XPR1: variants seen among roughly 807,000 people sequenced by gnomAD.
XPR1 encodes solute carrier family 53 member 1.
A neutral mutation model predicts 87.5 loss-of-function variants in XPR1; 28 were observed. The ratio of observed to expected loss-of-function variants is 0.32; its 90% confidence interval spans 0.24 to 0.44. XPR1 has a LOEUF of 0.44. XPR1 is among the 20% of genes least tolerant of loss of function. XPR1 has a pLI of 1.00. For synonymous variants in XPR1, 300 were observed against 306.1 expected (o/e 0.98, Z 0.21); for missense variants, 559 against 862.3 (o/e 0.65, Z 4.41).
At chr1:180,665,975 T>G (rs973607080) in intron 1 of XPR1, among the ~76,000 whole-genome samples, 12 of 152,206 alleles carry the variant, frequency 7.9e-5, no homozygotes, top group African/African-American at 2.9e-4. Context: ...TTTGAGTTAA[T>G]TTTTGTGTGT....
chr1:180,743,832 T>G (rs777860150), intron 2 of XPR1, among the ~76,000 whole-genome samples: 1 of 152,202 alleles, frequency 6.6e-6, no homozygotes, highest in African/African-American at 2.4e-5. Flanking sequence ...GTCTGGACAT[T>G]TTGATGAAAA....
chr1:180,672,228 A>G (rs1042765547), intron 1 of XPR1, among the ~76,000 whole-genome samples: 2 of 152,198 alleles, frequency 1.3e-5, no homozygotes, highest in Non-Finnish European at 2.9e-5. Flanking sequence ...AATCAGTACA[A>G]TAAAACTTTA....
At chr1:180,707,004 A>G (rs1469375592) in intron 2 of XPR1, among the ~76,000 whole-genome samples, 1 of 152,194 alleles carries the variant, frequency 6.6e-6, no homozygotes, top group Non-Finnish European at 1.5e-5. Context: ...TTTTCTAGCT[A>G]ATTTTTCAGT....
chr1:180,744,586 T>G (rs761242688), intron 2 of XPR1, among the ~76,000 whole-genome samples: 2 of 151,904 alleles, frequency 1.3e-5, no homozygotes, highest in Non-Finnish European at 2.9e-5. Flanking sequence ...TGTTAGAAGA[T>G]TCAAGGTCTT....
chr1:180,780,767 C>CAAAAAAAAAAAAAAAA (rs756960289), intron 2 of XPR1, among the ~76,000 whole-genome samples: 65 of 105,992 alleles, frequency 6.1e-4, no homozygotes, highest in African/African-American at 2.4e-3. Context: ...GACTCTGTCT[C>CAAAAAAAAAAAAAAAA]AAAAAAAAAA....
rs576745493 is a variant in XPR1 at position 180,879,961 on chromosome 1, C to A, written c.1809-115C>A. 27 of 1,098,916 alleles carry A rather than the reference C, an allele frequency of 2.5e-5. No individual in the cohort carries two copies. The South Asian group carries it at 3.1e-4, about 13-fold the overall frequency. 68.1% of individuals were successfully genotyped at this position (1,098,916 alleles called of 1,614,324 possible). ...TCTTTCCCTATTTTAATATTCAAGC[C>A]CTTAATTCTTTGTTTTTGTTTCCAT... On this transcript the variant is annotated intron_variant, in intron 13 of 14. Coordinates refer to ENST00000367590, the MANE Select transcript of XPR1 (RefSeq NM_004736.4).
At chr1:180,830,976 G>A (rs1651034656) in intron 9 of XPR1, among the ~76,000 whole-genome samples, 1 of 152,024 alleles carries the variant, frequency 6.6e-6, no homozygotes, top group African/African-American at 2.4e-5. Context: ...ATAAAGCCTT[G>A]AGGAAAATAC....
At position 180,875,739 on chromosome 1, in the gene XPR1, A is replaced by G. The variant is rs113296013; in HGVS notation, c.1808+1797A>G. ...ACGTAAATTAATGGAACAGAAAACAAACACACAATACAGAAAATTATTAAT... is the reference window on the plus strand; with the variant it reads ...ACGTAAATTAATGGAACAGAAAACAGACACACAATACAGAAAATTATTAAT... On this transcript the variant is annotated intron_variant, in intron 13 of 14. Coordinates refer to ENST00000367590, the MANE Select transcript of XPR1 (RefSeq NM_004736.4). Among the ~76,000 whole-genome samples, 1,213 of 152,230 alleles carry G rather than the reference A, an allele frequency of 8.0e-3. 11 individuals are homozygous for G. Among genetic ancestry groups the G allele is most frequent in the Non-Finnish European group, 0.011 (722 of 68,008 alleles).
intron 13 of XPR1, among the ~76,000 whole-genome samples, chr1:180,879,792 T>A (rs1315989596): frequency 6.6e-6 from 1 of 152,214 alleles, no homozygotes; most frequent in Non-Finnish European, 1.5e-5. Context: ...GTGCCTTTAC[T>A]GCCTTATGGC....
chr1:180,864,492 G>A (rs1315033252), intron 12 of XPR1, among the ~76,000 whole-genome samples: 1 of 152,038 alleles, frequency 6.6e-6, no homozygotes, highest in Non-Finnish European at 1.5e-5. Flanking sequence ...ATAAATACTT[G>A]ACTAAATGAA....
At chr1:180,821,979 C>A (rs1159676473) in intron 7 of XPR1, among the ~76,000 whole-genome samples, 1 of 152,136 alleles carries the variant, frequency 6.6e-6, no homozygotes, top group Non-Finnish European at 1.5e-5. Context: ...TGTAATGCAT[C>A]TGTGGTCTTT....
intron 2 of XPR1, among the ~76,000 whole-genome samples, chr1:180,716,340 C>T (rs1657994998): frequency 6.6e-6 from 1 of 152,130 alleles, no homozygotes; most frequent in Admixed American, 6.5e-5. Flanking sequence ...CCTCCTGCCT[C>T]AGCCTTGCAG....
At chr1:180,724,816 TATC>T (rs543020259) in intron 2 of XPR1, among the ~76,000 whole-genome samples, 49 of 152,348 alleles carry the variant, frequency 3.2e-4, no homozygotes, top group African/African-American at 1.1e-3. Context: ...TTTCCTCAGT[TATC>T]AATTTAATAT....
intron 2 of XPR1, among the ~76,000 whole-genome samples, chr1:180,759,568 G>T (rs1249117776): frequency 6.6e-6 from 1 of 152,138 alleles, no homozygotes. Context: ...AAACCAGGAA[G>T]AAGTTGAATC....
intron 2 of XPR1, among the ~76,000 whole-genome samples, chr1:180,763,329 G>T (rs1648126136): frequency 6.6e-6 from 1 of 152,126 alleles, no homozygotes. Flanking sequence ...TGCATACTTG[G>T]CATAATCTCT....
intron 1 of XPR1, among the ~76,000 whole-genome samples, chr1:180,682,008 G>A (rs1265273296): frequency 6.6e-6 from 1 of 152,124 alleles, no homozygotes; most frequent in South Asian, 2.1e-4. Context: ...GTTCCTGATA[G>A]TTTCTTATGC....
chr1:180,807,364 G>T (rs1009635994), intron 6 of XPR1, among the ~76,000 whole-genome samples: 1 of 152,130 alleles, frequency 6.6e-6, no homozygotes, highest in African/African-American at 2.4e-5. Context: ...GTTTAGCAAG[G>T]TTGCCAAATA....
chr1:180,814,349 GGTGAATACA>G (rs1247160248), intron 7 of XPR1, among the ~76,000 whole-genome samples: 3 of 152,112 alleles, frequency 2.0e-5, no homozygotes, highest in Admixed American at 6.5e-5. Flanking sequence ...TATTTCCTTA[GGTGAATACA>G]GTTTACTTAC....
intron 2 of XPR1, among the ~76,000 whole-genome samples, chr1:180,727,951 T>A (rs982667294): frequency 1.3e-5 from 2 of 152,140 alleles, no homozygotes; most frequent in African/African-American, 4.8e-5. Context: ...CTGCAACCTG[T>A]TTTATCAGCA....
Sources: allele counts gnomAD v4.1 joint callset (sites outside exome capture counted in the v4.1 genomes callset), GRCh38; gene constraint gnomAD v4.1.1; transcripts MANE v1.5; gene names NCBI Gene and HGNC (gene_info 2026-07-23, HGNC 2026-07-21).